The following MAP3K20 variants were observed in gnomAD, a reference collection of about 807,000 sequenced individuals.
MAP3K20 encodes the protein HCCS-4.
In MAP3K20, 40 loss-of-function variants were observed where a neutral mutation model predicts 85.7. The ratio of observed to expected loss-of-function variants is 0.47; its 90% CI spans 0.36 to 0.61. The LOEUF is 0.61. Among genes scored for constraint, MAP3K20 ranks in the 20% least tolerant of loss-of-function variants. The pLI is 0.00. For synonymous variants in MAP3K20, 325 were observed against 327.7 expected, an observed-to-expected ratio of 0.99 and a Z score of 0.09; for missense variants, 817 against 961.7, an observed-to-expected ratio of 0.85 and a Z score of 1.99.
intron 14 of MAP3K20, among the ~76,000 whole-genome samples, chr2:173,236,902 T>A (rs567760668): frequency 1.9e-4 from 29 of 152,134 alleles, no homozygotes; most frequent in Non-Finnish European, 3.7e-4. Flanking sequence ...GAATGCATCC[T>A]TCCTTTATTC....
chr2:173,159,174 G>T (rs1284468764), intron 2 of MAP3K20, among the ~76,000 whole-genome samples: 2 of 152,168 alleles, frequency 1.3e-5, no homozygotes, highest in Non-Finnish European at 2.9e-5. Context: ...TTTCGTAGAT[G>T]CCTAATCCTT....
Position 173,261,089 on chromosome 2 carries a change from T to G in MAP3K20, c.1503T>G (p.Ile501Met). The change falls in exon 18 of 20, where the codon ATT becomes ATG. Residue 501 changes from isoleucine to methionine, a missense_variant. By Grantham distance (10) the Ile-to-Met change is conservative. This residue lies in a region of MAP3K20 where 454 missense variants were observed against 476.9 expected (regional missense o/e 0.95). Transcript: ENST00000375213. ...TKPPFVMEKWIVGIAKSQTVE... is the reference protein window; with the variant it reads ...TKPPFVMEKWMVGIAKSQTVE... ...CACCATTTGTAATGGAGAAGTGGAT[T>G]GTAGGAATAGCAAAAAGTCAGACTG... 1.2e-6 allele frequency: 2 copies of G among 1,613,704 alleles called. No homozygotes were observed. Among genetic ancestry groups the G allele is most frequent in the Non-Finnish European group, 1.7e-6 (2 of 1,179,682 alleles).
At chr2:173,181,728 T>C (rs1365981832) in intron 3 of MAP3K20, among the ~76,000 whole-genome samples, 1 of 152,140 alleles carries the variant, frequency 6.6e-6, no homozygotes, top group African/African-American at 2.4e-5. Context: ...AGTCTTCTTA[T>C]ATGCTTACCA....
rs1426461983 is a variant in MAP3K20 at position 173,267,802 on chromosome 2, G to A, written c.*1052G>A. The A allele has an allele frequency of 6.6e-6, 1 of 152,222 alleles. No individual in the cohort carries two copies. The highest frequency in any genetic ancestry group is 1.5e-5 in the Non-Finnish European group (1 of 68,050). 9.4% of individuals were successfully genotyped at this position (152,222 alleles called of 1,614,324 possible). On this transcript the variant is annotated 3_prime_UTR_variant, in exon 20 of 20. Transcript: ENST00000375213. ...TAAAATTACCAACATCCTTGTTGGA[G>A]TAAGACAGTAAATATCAGCCTTGCA...
chr2:173,151,480 T>C (rs748909304), intron 2 of MAP3K20, among the ~76,000 whole-genome samples: 1 of 152,224 alleles, frequency 6.6e-6, no homozygotes, highest in Non-Finnish European at 1.5e-5. Flanking sequence ...CAGCCTAGAA[T>C]GCAGGTGTCT....
Position 173,217,257 on chromosome 2 carries a change from A to G in MAP3K20, c.987+7A>G. On this transcript the variant is annotated splice_region_variant and intron_variant, in intron 11 of 19. Transcript: ENST00000375213. ...AGAGCAGTCCAACACCCCGGTGAGT[A>G]CCCTCCCCCTTCGCCGTCTTTCCAC... 1 of 1,541,772 alleles carries G rather than the reference A, an allele frequency of 6.5e-7. No individual in the cohort carries two copies.
At chr2:173,123,204 C>T (rs533627884) in intron 2 of MAP3K20, among the ~76,000 whole-genome samples, 1 of 152,330 alleles carries the variant, frequency 6.6e-6, no homozygotes, top group East Asian at 1.9e-4. Flanking sequence ...CTCTCAGAGA[C>T]TTCTGGCTTC....
chr2:173,127,545 A>G (rs1475977447), intron 2 of MAP3K20, among the ~76,000 whole-genome samples: 1 of 152,210 alleles, frequency 6.6e-6, no homozygotes, highest in Non-Finnish European at 1.5e-5. Context: ...CTGGTATAAG[A>G]TAGGAGAAAA....
chr2:173,260,942 G>C (rs1685277323), intron 17 of MAP3K20, 121 bp from the exon 18 acceptor site: 1 of 771,000 alleles, frequency 1.3e-6, no homozygotes, highest in Non-Finnish European at 2.1e-6. Flanking sequence ...AGGCTTTCAT[G>C]ATAATCTGAT....
At chr2:173,257,455 TATA>T (rs1432988513) in intron 16 of MAP3K20, among the ~76,000 whole-genome samples, 2 of 152,242 alleles carry the variant, frequency 1.3e-5, no homozygotes, top group Non-Finnish European at 2.9e-5. Context: ...TTTCACTCAC[TATA>T]ATGTTTTTGA....
chr2:173,205,101 T>C (rs1398774309), intron 9 of MAP3K20, among the ~76,000 whole-genome samples: 1 of 79,418 alleles, frequency 1.3e-5, no homozygotes, highest in South Asian at 4.7e-4. Context: ...AGACTCTGTC[T>C]CAAAAAAAAA....
chr2:173,222,377 T>C, intron 11 of MAP3K20: 1 of 985,862 alleles, frequency 1.0e-6, no homozygotes, highest in Non-Finnish European at 1.2e-6. Context: ...CAGTAATGTA[T>C]TTGAAGGAAA....
intron 2 of MAP3K20, among the ~76,000 whole-genome samples, chr2:173,146,879 CTT>C (rs1016405111): frequency 3.3e-5 from 5 of 152,272 alleles, no homozygotes; most frequent in African/African-American, 1.2e-4. Flanking sequence ...TATTCTCTGT[CTT>C]TTTAATTATA....
chr2:173,226,897 G>A (rs1684404318), intron 11 of MAP3K20: 12 of 984,508 alleles, frequency 1.2e-5, no homozygotes, highest in Non-Finnish European at 1.4e-5. Context: ...TTATTCTATT[G>A]CAATGTTATT....
intron 1 of MAP3K20, among the ~76,000 whole-genome samples, chr2:173,081,186 C>T (rs1324366876): frequency 7.0e-6 from 1 of 142,092 alleles, no homozygotes; most frequent in Admixed American, 7.0e-5. Flanking sequence ...TTAAAAAAGA[C>T]AAATTTTTTT....
upstream of MAP3K20, chr2:173,075,842 C>T (rs1054829434): frequency 1.0e-5 from 10 of 985,182 alleles, no homozygotes; most frequent in African/African-American, 1.6e-4. Context: ...CCGTGACTGT[C>T]TTCCTCATTG....
intron 12 of MAP3K20, among the ~76,000 whole-genome samples, chr2:173,230,237 GA>G (rs1258444802): frequency 2.6e-5 from 4 of 152,060 alleles, no homozygotes; most frequent in African/African-American, 9.7e-5. Flanking sequence ...AAATTACTCT[GA>G]AACTATTCCA....
Position 173,209,780 on chromosome 2 carries a change from G to A in MAP3K20, c.796G>A (p.Asp266Asn), listed in dbSNP as rs1206359758. 6.2e-7 allele frequency: 1 copy of A among 1,613,894 alleles called. No individual in the cohort carries two copies. Among genetic ancestry groups the A allele is most frequent in the South Asian group, 1.1e-5 (1 of 91,012 alleles). Residue 266 changes from aspartate (D) to asparagine (N), a missense_variant, in exon 10 of 20, where the codon GAC becomes AAC. Physicochemically the swap from Asp to Asn is conservative, Grantham distance 23. Coordinates refer to ENST00000375213, the MANE Select transcript of MAP3K20 (RefSeq NM_016653.3). ...IISILESMSNDTSLPDKCNSF... is the reference protein window; with the variant it reads ...IISILESMSNNTSLPDKCNSF... Reference sequence around the variant, plus strand: ...TTCAATCCTGGAGTCCATGTCAAATGACACGAGCCTTCCTGACAAGTGTAA... The same window carrying A: ...TTCAATCCTGGAGTCCATGTCAAATAACACGAGCCTTCCTGACAAGTGTAA...
At chr2:173,152,248 C>T (rs889410817) in intron 2 of MAP3K20, among the ~76,000 whole-genome samples, 19 of 152,118 alleles carry the variant, frequency 1.2e-4, no homozygotes, top group Non-Finnish European at 1.8e-4. Flanking sequence ...TCAGTCATCA[C>T]CAGGTTTATA....
Sources: allele counts gnomAD v4.1 joint callset (sites outside exome capture counted in the v4.1 genomes callset), GRCh38; gene constraint gnomAD v4.1.1; regional missense constraint gnomAD v4.1.1; transcripts MANE v1.5; gene names NCBI Gene and HGNC (gene_info 2026-07-23, HGNC 2026-07-21).